TOMM20: variants seen among roughly 807,000 people sequenced by gnomAD.
TOMM20 encodes the protein mitochondrial import receptor subunit TOM20 homolog.
In TOMM20, 10 loss-of-function variants were observed where a neutral mutation model predicts 22.1. That is an observed-to-expected ratio of 0.45 (90% CI 0.28 to 0.77). TOMM20 has a LOEUF of 0.77. Among genes scored for constraint, TOMM20 ranks in the 30% least tolerant of loss-of-function variants. The pLI, the probability that TOMM20 is intolerant of heterozygous loss-of-function variation, is 0.13. For missense variants in TOMM20, 121 were observed against 172.2 expected (o/e 0.70, Z 1.66); for synonymous variants, 55 against 61.4 (o/e 0.90, Z 0.49).
In TOMM20 at chr1:235,128,582, A is replaced by G; in HGVS notation, c.121+13T>C. On this transcript the variant is annotated intron_variant, in intron 1 of 4. Coordinates refer to ENST00000366607, the MANE Select transcript of TOMM20 (RefSeq NM_014765.3). ...GGCAGCAAGCCTGGCCAGGGGAGAG[A>G]GGACCCACTCACGTTCTCGAAGCCT... The G allele has an allele frequency of 6.2e-7, 1 of 1,611,978 alleles. No individual in the cohort carries two copies. Among genetic ancestry groups the G allele is most frequent in the South Asian group, 1.1e-5 (1 of 90,998 alleles).
In TOMM20 at chr1:235,128,769, T is replaced by C; in HGVS notation, c.-54A>G. 1 of 1,610,406 alleles carries C rather than the reference T, an allele frequency of 6.2e-7. No homozygotes were observed. The highest frequency in any genetic ancestry group is 1.1e-5 in the South Asian group (1 of 91,022). ...GGCGGCAGGGACCGCGAAGGAGCGG[T>C]GGGCCACGAACCCTCAGAGCGGTCG... On this transcript the variant is annotated 5_prime_UTR_variant, in exon 1 of 5. Coordinates refer to ENST00000366607, the MANE Select transcript of TOMM20 (RefSeq NM_014765.3).
Position 235,128,595 on chromosome 1 carries a change from G to T in TOMM20, c.121C>A (p.Arg41=). The T allele has an allele frequency of 1.2e-6, 2 of 1,612,368 alleles. No individual in the cohort carries two copies. The highest frequency in any genetic ancestry group is 1.7e-6 in the Non-Finnish European group (2 of 1,179,878). ...GCCAGGGGAGAGAGGACCCACTCAC[G>T]TTCTCGAAGCCTGTTCTTGAAGTTG... ...DPNFKNRLRE[R]RKKQKLAKER... The change falls in exon 1 of 5, where the codon CGA becomes AGA. Residue 41 remains arginine, a splice_region_variant and synonymous_variant. Transcript: ENST00000366607.
chr1:235,113,697 T>C, intron 4 of TOMM20, 71 bp downstream of exon 4: 2 of 1,517,836 alleles, frequency 1.3e-6, no homozygotes, highest in Non-Finnish European at 1.8e-6. Flanking sequence ...ACTAGGCTCA[T>C]TTTAAAATGT....
chr1:235,128,712 C>T lies in TOMM20; in HGVS notation c.4G>A (p.Val2Met). 1.2e-6 allele frequency: 2 copies of T among 1,614,004 alleles called. No homozygotes were observed. Among genetic ancestry groups the T allele is most frequent in the South Asian group, 2.2e-5 (2 of 91,088 alleles). Residue 2 changes from valine to methionine, a missense_variant, in exon 1 of 5, where the codon GTG (valine) becomes ATG (methionine). Coordinates refer to ENST00000366607, the MANE Select transcript of TOMM20 (RefSeq NM_014765.3). M[V>M]GRNSAIAAGV... Reference sequence around the variant, plus strand: ...GCGGCGATGGCGCTGTTCCGACCCACCATCTTCTCTACAACGCTGAGCGTG... The same window carrying T: ...GCGGCGATGGCGCTGTTCCGACCCATCATCTTCTCTACAACGCTGAGCGTG...
intron 1 of TOMM20, among the ~76,000 whole-genome samples, chr1:235,123,509 G>C (rs917463735): frequency 6.6e-6 from 1 of 152,114 alleles, no homozygotes; most frequent in Non-Finnish European, 1.5e-5. Flanking sequence ...CCTACCTGTA[G>C]ACAGAAGGTT....
chr1:235,116,438 C>T (rs1660829402), intron 3 of TOMM20, among the ~76,000 whole-genome samples: 1 of 152,032 alleles, frequency 6.6e-6, no homozygotes, highest in South Asian at 2.1e-4. Flanking sequence ...ACTCAGGAGG[C>T]TGAGGCAAGA....
At chr1:235,114,969 A>G (rs150331057) in intron 3 of TOMM20, among the ~76,000 whole-genome samples, 25,734 of 152,004 alleles carry the variant, frequency 0.17, 2,416 homozygotes, top group Middle Eastern at 0.25. Context: ...TCCTGGGCTC[A>G]AGCAATCCTC....
In TOMM20 at chr1:235,111,892, G is replaced by A. The variant is rs1257513217; in HGVS notation, c.*172C>T. ...CTCTATCAAAATACACTTTTCACTG[G>A]GAAAAATAAATAAAATAGACAAATG... is the stretch of plus-strand genomic sequence containing the variant. On this transcript the variant is annotated 3_prime_UTR_variant, in exon 5 of 5. Transcript: ENST00000366607. The A allele has an allele frequency of 1.6e-6, 1 of 622,246 alleles. No individual in the cohort carries two copies. 38.5% of individuals were successfully genotyped at this position (622,246 alleles called of 1,614,324 possible).
At chr1:235,116,879 T>G (rs1003211667) in intron 3 of TOMM20, among the ~76,000 whole-genome samples, 1 of 152,128 alleles carries the variant, frequency 6.6e-6, no homozygotes, top group Non-Finnish European at 1.5e-5. Flanking sequence ...CTCAAGCCTG[T>G]AATCCCAGCA....
intron 2 of TOMM20, among the ~76,000 whole-genome samples, chr1:235,120,923 T>G (rs1217119701): frequency 1.3e-5 from 2 of 149,680 alleles, no homozygotes; most frequent in Admixed American, 6.6e-5. Context: ...CTTCAGTAGC[T>G]GGGTGCGGTG....
intron 2 of TOMM20, among the ~76,000 whole-genome samples, chr1:235,120,437 G>A (rs1660911487): frequency 6.6e-6 from 1 of 151,774 alleles, no homozygotes; most frequent in Non-Finnish European, 1.5e-5. Context: ...GCTAATTTTT[G>A]TATTTTTAGT....
chr1:235,116,975 A>G (rs1479978475), intron 3 of TOMM20, among the ~76,000 whole-genome samples: 1 of 151,056 alleles, frequency 6.6e-6, no homozygotes, highest in Non-Finnish European at 1.5e-5. Context: ...CTCTACTAAA[A>G]ATACAAAAAA....
chr1:235,124,560 A>G (rs67759718), intron 1 of TOMM20, among the ~76,000 whole-genome samples: 26,112 of 152,160 alleles, frequency 0.17, 2,522 homozygotes, highest in Middle Eastern at 0.25. Context: ...AGAAATGAAC[A>G]TGCCAAGTTT....
intron 3 of TOMM20, among the ~76,000 whole-genome samples, chr1:235,114,618 T>C (rs1316132945): frequency 1.3e-5 from 2 of 152,014 alleles, no homozygotes; most frequent in East Asian, 3.9e-4. Flanking sequence ...TTTGTATTTT[T>C]AGTAGAGACG....
chr1:235,118,337 T>C (rs6683067), intron 3 of TOMM20, among the ~76,000 whole-genome samples: 23,634 of 152,196 alleles, frequency 0.16, 2,007 homozygotes, highest in Middle Eastern at 0.24. Flanking sequence ...CCCAGTGTTA[T>C]GCGATGCAAG....
intron 2 of TOMM20, among the ~76,000 whole-genome samples, chr1:235,120,636 G>A (rs893054209): frequency 1.3e-5 from 2 of 151,874 alleles, no homozygotes; most frequent in Non-Finnish European, 2.9e-5. Context: ...CTGTAGTGCA[G>A]TAGTGTGATC....
At chr1:235,124,901 T>A (rs1355521538) in intron 1 of TOMM20, among the ~76,000 whole-genome samples, 3 of 152,230 alleles carry the variant, frequency 2.0e-5, no homozygotes, top group Non-Finnish European at 2.9e-5. Flanking sequence ...TGAAAAACCA[T>A]GAAGAAATTT....
intron 1 of TOMM20, among the ~76,000 whole-genome samples, chr1:235,124,206 G>T (rs949251658): frequency 6.6e-6 from 1 of 152,196 alleles, no homozygotes; most frequent in Non-Finnish European, 1.5e-5. Context: ...AATTAGCCAG[G>T]TATGGTGGCA....
chr1:235,126,183 T>C (rs577855427), intron 1 of TOMM20, among the ~76,000 whole-genome samples: 40 of 152,060 alleles, frequency 2.6e-4, no homozygotes, highest in African/African-American at 9.6e-4. Context: ...CCCCCCAGGA[T>C]GGAGTGCAGT....
Sources: gnomAD v4.1 joint callset for allele counts (sites outside exome capture counted in the v4.1 genomes callset) on GRCh38, gnomAD v4.1.1 for gene constraint, MANE v1.5 for transcripts, NCBI Gene and HGNC (gene_info 2026-07-23, HGNC 2026-07-21) for gene names.